Variants in MINDY4 observed in about 807,000 individuals in gnomAD.
The protein encoded by MINDY4 is probable ubiquitin carboxyl-terminal hydrolase MINDY-4.
Under a neutral mutation model 87.0 loss-of-function variants are expected in MINDY4, and 68 were observed. The ratio of observed to expected loss-of-function variants is 0.78; its 90% CI spans 0.64 to 0.96. MINDY4 has a LOEUF of 0.96. MINDY4 is among the 40% of genes least tolerant of loss of function. The pLI is 0.00. For missense variants in MINDY4, 919 were observed against 928.2 expected, an observed-to-expected ratio of 0.99 and a Z score of 0.13; for synonymous variants, 379 against 363.2, an observed-to-expected ratio of 1.04 and a Z score of -0.50.
At chr7:30,794,603 G>A (rs1286069371) in intron 5 of MINDY4, among the ~76,000 whole-genome samples, 1 of 152,208 alleles carries the variant, frequency 6.6e-6, no homozygotes, top group Non-Finnish European at 1.5e-5. Context: ...ACACTCCTCA[G>A]ATCTGACTCC....
chr7:30,884,552 T>G (rs952782175), intron 17 of MINDY4, among the ~76,000 whole-genome samples: 1 of 152,192 alleles, frequency 6.6e-6, no homozygotes, highest in Non-Finnish European at 1.5e-5. Context: ...GGTGGGCCTG[T>G]TGAGCAGGGC....
intron 15 of MINDY4, among the ~76,000 whole-genome samples, chr7:30,876,409 G>T (rs982603991): frequency 6.6e-6 from 1 of 152,112 alleles, no homozygotes; most frequent in Admixed American, 6.5e-5. Context: ...GAGGTACTGG[G>T]GGCTAGGATT....
chr7:30,798,745 G>A (rs7786452), intron 5 of MINDY4, among the ~76,000 whole-genome samples: 76,694 of 151,922 alleles, frequency 0.5, 19,973 homozygotes, highest in African/African-American at 0.58. Flanking sequence ...TGATCCGCCC[G>A]CCTCGGCCTC....
intron 5 of MINDY4, among the ~76,000 whole-genome samples, chr7:30,821,271 T>C (rs1788319862): frequency 6.6e-6 from 1 of 152,232 alleles, no homozygotes; most frequent in African/African-American, 2.4e-5. Flanking sequence ...CTTCCTGATA[T>C]GAGTCCTTGA....
intron 15 of MINDY4, among the ~76,000 whole-genome samples, chr7:30,877,866 G>A (rs1790321830): frequency 9.6e-6 from 1 of 103,868 alleles, no homozygotes; most frequent in Non-Finnish European, 1.8e-5. Context: ...TTTAAGTAGA[G>A]ATGGGGTTTC....
chr7:30,831,103 G>T (rs1788687368), intron 6 of MINDY4, among the ~76,000 whole-genome samples: 1 of 152,160 alleles, frequency 6.6e-6, no homozygotes, highest in Non-Finnish European at 1.5e-5. Context: ...TTAGATGTTG[G>T]GATACTGGTG....
At chr7:30,882,796 C>A in intron 16 of MINDY4, 125 bp from the exon 17 acceptor site, 1 of 784,744 alleles carries the variant, frequency 1.3e-6, no homozygotes, top group Non-Finnish European at 2.2e-6. Flanking sequence ...GAGGGTGGGT[C>A]CAGTTGAGAT....
In MINDY4 at chr7:30,776,308, G is replaced by T. The variant is rs78237147; in HGVS notation, c.64-2124G>T. ...GCAGCTCTAGATGCACTGGCCTTTT[G>T]CAACTGGCTCAGGGCCTTTGCACTT... is the stretch of plus-strand genomic sequence containing the variant. On this transcript the variant is annotated intron_variant, in intron 1 of 17. Transcript: ENST00000265299. 3.6e-3 allele frequency among the ~76,000 whole-genome samples: 548 copies of T among 152,226 alleles called. 22 individuals carry two copies. The East Asian group carries it at 0.077, about 21-fold the overall frequency.
intron 5 of MINDY4, among the ~76,000 whole-genome samples, chr7:30,813,449 C>T (rs1237007331): frequency 6.6e-6 from 1 of 152,172 alleles, no homozygotes; most frequent in Non-Finnish European, 1.5e-5. Flanking sequence ...GCTGGATTCT[C>T]AGCCATGTCC....
intron 5 of MINDY4, among the ~76,000 whole-genome samples, chr7:30,826,561 A>G (rs977120685): frequency 6.6e-6 from 1 of 152,220 alleles, no homozygotes; most frequent in Non-Finnish European, 1.5e-5. Flanking sequence ...GATGGCCCAG[A>G]GTGAGACGAG....
chr7:30,853,500 A>G (rs752372146), intron 12 of MINDY4, 41 bp downstream of exon 12: 1 of 1,507,160 alleles, frequency 6.6e-7, no homozygotes, highest in Non-Finnish European at 9.2e-7. Context: ...TGCGTCACTA[A>G]GCCTTCTGAT....
chr7:30,792,868 T>C (rs949521021), intron 5 of MINDY4, among the ~76,000 whole-genome samples: 2 of 151,972 alleles, frequency 1.3e-5, no homozygotes, highest in African/African-American at 4.8e-5. Context: ...TTCTTCATTC[T>C]ATTCTCTCTG....
In MINDY4 at chr7:30,843,042, C is replaced by A. The variant is rs572930709; in HGVS notation, c.1445+2194C>A. Among the ~76,000 whole-genome samples, 7 of 152,276 alleles carry A rather than the reference C, an allele frequency of 4.6e-5. No homozygotes were observed. In the South Asian group the frequency reaches 1.5e-3, roughly 32 times the overall value. ...GTTACCTGTCCACATCTGCCGCCAC[C>A]TACTACTGCCCACCCCACTCCAGAA... On this transcript the variant is annotated intron_variant, in intron 9 of 17. Coordinates refer to ENST00000265299, the MANE Select transcript of MINDY4 (RefSeq NM_032222.3).
chr7:30,776,985 C>CTTTT (rs3076403), intron 1 of MINDY4, among the ~76,000 whole-genome samples: 3 of 39,142 alleles, frequency 7.7e-5, no homozygotes, highest in African/African-American at 6.4e-4. Flanking sequence ...TCTTTTCTTT[C>CTTTT]CTTTTCTTCT....
At chr7:30,873,186 C>G (rs1327437156) in intron 14 of MINDY4, among the ~76,000 whole-genome samples, 1 of 152,220 alleles carries the variant, frequency 6.6e-6, no homozygotes, top group Admixed American at 6.5e-5. Context: ...TGCTGCCCAC[C>G]ACCCTAGAGG....
At chr7:30,833,470 C>T (rs1164310716) in intron 6 of MINDY4, among the ~76,000 whole-genome samples, 4 of 152,216 alleles carry the variant, frequency 2.6e-5, no homozygotes, top group Non-Finnish European at 1.5e-5. Context: ...TTATCTCCCA[C>T]AGTGTCCTTC....
chr7:30,862,590 C>G (rs898767842), intron 13 of MINDY4, among the ~76,000 whole-genome samples: 3 of 152,356 alleles, frequency 2.0e-5, no homozygotes, highest in East Asian at 3.9e-4. Context: ...TGCCTGCTGC[C>G]TCCGGGGCTA....
At chr7:30,853,986 C>G (rs1280000309) in intron 12 of MINDY4, among the ~76,000 whole-genome samples, 1 of 152,190 alleles carries the variant, frequency 6.6e-6, no homozygotes, top group Non-Finnish European at 1.5e-5. Context: ...GCCCCCCCGC[C>G]TGCCAGAGGA....
chr7:30,862,098 G>A (rs1158252223), intron 13 of MINDY4, among the ~76,000 whole-genome samples: 1 of 152,250 alleles, frequency 6.6e-6, no homozygotes, highest in East Asian at 1.9e-4. Context: ...AACAGGGCAG[G>A]CCTTGGGCAG....
Sources: allele counts gnomAD v4.1 joint callset (sites outside exome capture counted in the v4.1 genomes callset), GRCh38; gene constraint gnomAD v4.1.1; transcripts MANE v1.5; gene names NCBI Gene and HGNC (gene_info 2026-07-23, HGNC 2026-07-21).